Variants in TMC1 observed in about 807,000 individuals in gnomAD.
TMC1 encodes the protein transmembrane channel-like protein 1.
A neutral mutation model predicts 105.8 loss-of-function variants in TMC1; 84 were observed. That is an observed-to-expected ratio of 0.79 (90% CI 0.67 to 0.95). The LOEUF is 0.95. Among genes scored for constraint, TMC1 ranks in the 40% least tolerant of loss-of-function variants. The pLI is 0.00. For synonymous variants in TMC1, 315 were observed against 311.5 expected, an observed-to-expected ratio of 1.01 and a Z score of -0.12; for missense variants, 817 against 914.1, an observed-to-expected ratio of 0.89 and a Z score of 1.37.
At chr9:72,750,002 G>A (rs1032349341) in intron 10 of TMC1, among the ~76,000 whole-genome samples, 1 of 152,106 alleles carries the variant, frequency 6.6e-6, no homozygotes, top group African/African-American at 2.4e-5. Flanking sequence ...AGCTACTCAG[G>A]AGGCTGAGGC....
At chr9:72,698,207 G>A (rs1454254687) in intron 7 of TMC1, among the ~76,000 whole-genome samples, 2 of 152,028 alleles carry the variant, frequency 1.3e-5, no homozygotes, top group South Asian at 2.1e-4. Context: ...TACTTCCCTG[G>A]TTCTCTTGAA....
chr9:72,550,517 G>T (rs7037556), intron 1 of TMC1, among the ~76,000 whole-genome samples: 16,917 of 151,590 alleles, frequency 0.11, 1,414 homozygotes, highest in African/African-American at 0.23. Flanking sequence ...AATTAGCAGG[G>T]CAAGCTGGCG....
chr9:72,655,608 G>T (rs929016323), intron 5 of TMC1, among the ~76,000 whole-genome samples: 1 of 152,074 alleles, frequency 6.6e-6, no homozygotes, highest in Non-Finnish European at 1.5e-5. Flanking sequence ...CAGGCATGGT[G>T]GTGGGCGCCT....
chr9:72,694,968 A>G (rs1285756544), intron 7 of TMC1, among the ~76,000 whole-genome samples: 1 of 152,182 alleles, frequency 6.6e-6, no homozygotes, highest in African/African-American at 2.4e-5. Flanking sequence ...TCGTTGACAT[A>G]TTACAGTTAA....
At chr9:72,799,332 G>C (rs1336007880) in intron 17 of TMC1, among the ~76,000 whole-genome samples, 2 of 151,816 alleles carry the variant, frequency 1.3e-5, no homozygotes, top group Non-Finnish European at 2.9e-5. Flanking sequence ...TATTTGGTAA[G>C]ATAACATAAA....
At chr9:72,654,354 C>T (rs981505618) in intron 5 of TMC1, among the ~76,000 whole-genome samples, 5 of 152,204 alleles carry the variant, frequency 3.3e-5, no homozygotes, top group African/African-American at 4.8e-5. Flanking sequence ...TCGCACTTCT[C>T]TAATGACTAA....
chr9:72,789,173 G>C lies in TMC1; in HGVS notation c.1080G>C (p.Leu360Phe). Residue 360 changes from leucine (L) to phenylalanine (F), a missense_variant, in exon 15 of 24, where the codon TTG becomes TTC. Transcript: ENST00000297784. ...CCCAAGTAGAAGAAAACGTCCACTT[G>C]ATCAGATTCCTGAGGTTTCTGGCTA... ...KAAQVEENVH[L>F]IRFLRFLANF... 1 of 1,613,534 alleles carries C rather than the reference G, an allele frequency of 6.2e-7. No homozygotes were observed. The highest frequency in any genetic ancestry group is 8.5e-7 in the Non-Finnish European group (1 of 1,179,952).
chr9:72,685,211 A>G (rs1320426824), intron 5 of TMC1, among the ~76,000 whole-genome samples: 1 of 142,712 alleles, frequency 7.0e-6, no homozygotes, highest in African/African-American at 2.6e-5. Flanking sequence ...GGTTCATACC[A>G]TTCTCCTGTT....
chr9:72,640,321 A>T (rs1588005748), intron 4 of TMC1, among the ~76,000 whole-genome samples: 1 of 152,324 alleles, frequency 6.6e-6, no homozygotes, highest in East Asian at 1.9e-4. Context: ...GATAAATTTT[A>T]TGGTCGCCAA....
chr9:72,658,670 A>T (rs915439199), intron 5 of TMC1, among the ~76,000 whole-genome samples: 1 of 152,234 alleles, frequency 6.6e-6, no homozygotes, highest in African/African-American at 2.4e-5. Flanking sequence ...GAATTCATGT[A>T]TTCCTTCTGA....
At chr9:72,789,423 C>T (rs1828227037) in intron 15 of TMC1, 106 bp downstream of exon 15, 2 of 1,045,308 alleles carry the variant, frequency 1.9e-6, no homozygotes, top group Non-Finnish European at 2.9e-6. Context: ...TTACCTATCC[C>T]CTATCCTGCC....
intron 17 of TMC1, among the ~76,000 whole-genome samples, chr9:72,794,088 C>G (rs1056229675): frequency 2.6e-5 from 4 of 152,108 alleles, no homozygotes; most frequent in African/African-American, 9.7e-5. Context: ...CCCCCACCCC[C>G]CTCCTTGTCA....
At chr9:72,708,172 T>C (rs760665640) in intron 8 of TMC1, among the ~76,000 whole-genome samples, 3 of 152,226 alleles carry the variant, frequency 2.0e-5, no homozygotes, top group Non-Finnish European at 2.9e-5. Flanking sequence ...CATAGCCTTA[T>C]AGTATAGTTT....
chr9:72,719,095 G>C (rs1826971540), intron 8 of TMC1, among the ~76,000 whole-genome samples: 1 of 152,162 alleles, frequency 6.6e-6, no homozygotes, highest in African/African-American at 2.4e-5. Context: ...GGCAAGTAGG[G>C]CTGAGAACTT....
intron 8 of TMC1, among the ~76,000 whole-genome samples, chr9:72,717,058 C>A (rs1480765409): frequency 1.3e-5 from 2 of 152,190 alleles, no homozygotes; most frequent in South Asian, 2.1e-4. Context: ...CAACGCCCCA[C>A]CCTACTTTGG....
chr9:72,809,261 G>A (rs1285178079), intron 18 of TMC1, among the ~76,000 whole-genome samples: 1 of 152,150 alleles, frequency 6.6e-6, no homozygotes, highest in Non-Finnish European at 1.5e-5. Flanking sequence ...CATAAAAGCT[G>A]TAATTAAATG....
rs1450909533 is a variant in TMC1 at position 72,837,881 on chromosome 9, T to A, written c.*1908T>A. ...TTGTCTTTTTCAGATTGACTTCCAT[T>A]CTCAATCTTATCACTCCCTTTTTAG... is the stretch of plus-strand genomic sequence containing the variant. On this transcript the variant is annotated 3_prime_UTR_variant, in exon 24 of 24. Transcript: ENST00000297784. 6.6e-6 allele frequency: 1 copy of A among 152,238 alleles called. No homozygotes were observed. The highest frequency in any genetic ancestry group is 1.5e-5 in the Non-Finnish European group (1 of 68,044). The allele number at this position is 152,238 out of a possible 1,614,324, so 9.4% of individuals were successfully genotyped here.
chr9:72,548,154 C>A (rs760586406), intron 1 of TMC1, among the ~76,000 whole-genome samples: 1 of 152,152 alleles, frequency 6.6e-6, no homozygotes, highest in Non-Finnish European at 1.5e-5. Flanking sequence ...AGCACTGAGT[C>A]TGTATGTGTT....
intron 2 of TMC1, among the ~76,000 whole-genome samples, chr9:72,604,703 GGTGAATTCAGAAATAAA>G (rs1159265299): frequency 6.6e-6 from 1 of 152,166 alleles, no homozygotes; most frequent in Non-Finnish European, 1.5e-5. Flanking sequence ...ATGCTGGTTG[GGTGAATTCAGAAATAAA>G]TTAGTAAATA....
Sources: gnomAD v4.1 joint callset for allele counts (sites outside exome capture counted in the v4.1 genomes callset) on GRCh38, gnomAD v4.1.1 for gene constraint, MANE v1.5 for transcripts, NCBI Gene and HGNC (gene_info 2026-07-23, HGNC 2026-07-21) for gene names.